Variants in FLI1 observed in about 807,000 individuals in gnomAD.
FLI1 encodes Friend leukemia integration 1 transcription factor.
A neutral mutation model predicts 53.1 loss-of-function variants in FLI1; 13 were observed. The ratio of observed to expected loss-of-function variants is 0.24; its 90% CI spans 0.16 to 0.39. The LOEUF is 0.39. FLI1 is among the 10% of genes least tolerant of loss of function. The probability of loss-of-function intolerance (pLI) is 1.00; values close to 1 mark genes in which losing one functional copy is unlikely to be tolerated. For missense variants in FLI1, 424 were observed against 600.5 expected, an observed-to-expected ratio of 0.71 and a Z score of 3.07; for synonymous variants, 244 against 236.7, an observed-to-expected ratio of 1.03 and a Z score of -0.28.
At chr11:128,721,604 C>T (rs1939255662) in intron 1 of FLI1, among the ~76,000 whole-genome samples, 1 of 152,186 alleles carries the variant, frequency 6.6e-6, no homozygotes, top group African/African-American at 2.4e-5. Context: ...GGTGCAAGAG[C>T]ATGCCTGGCT....
In FLI1 at chr11:128,810,686, G is replaced by A. The variant is rs1475468866; in HGVS notation, c.1057G>A (p.Gly353Ser). 1.2e-6 allele frequency: 2 copies of A among 1,614,004 alleles called. No individual in the cohort carries two copies. Among genetic ancestry groups the A allele is most frequent in the Non-Finnish European group, 1.7e-6 (2 of 1,179,896 alleles). ...YDKNIMTKVHGKRYAYKFDFH... is the reference protein window; with the variant it reads ...YDKNIMTKVHSKRYAYKFDFH... The stretch of plus-strand genomic sequence containing the variant: ...TAAAAACATTATGACCAAAGTGCAC[G>A]GCAAAAGATATGCTTACAAATTTGA... The change falls in exon 9 of 9, where the codon GGC becomes AGC. Residue 353 changes from glycine to serine, a missense_variant. Gly to Ser is a moderately conservative substitution (Grantham distance 56). Transcript: ENST00000527786. The surrounding 1 kb of genome is among the most constrained non-coding windows in gnomAD (Gnocchi z 6.6).
intron 2 of FLI1, 64 bp downstream of exon 2, chr11:128,758,390 G>A: frequency 1.4e-6 from 2 of 1,400,018 alleles, no homozygotes; most frequent in Non-Finnish European, 1.0e-6. Context: ...TGCAGCAAGT[G>A]GCTTCTGGCA....
intron 4 of FLI1, among the ~76,000 whole-genome samples, chr11:128,779,323 C>T (rs373522588): frequency 6.6e-5 from 10 of 152,342 alleles, no homozygotes; most frequent in Admixed American, 2.0e-4. Flanking sequence ...ACGTCAGGGA[C>T]GGAGAGGCAA....
chr11:128,740,039 G>A (rs1052804371), intron 1 of FLI1, among the ~76,000 whole-genome samples: 1 of 152,282 alleles, frequency 6.6e-6, no homozygotes, highest in East Asian at 1.9e-4. Context: ...CCTAATATTG[G>A]TAGGGAATAG....
At chr11:128,755,508 A>T (rs563323084) in intron 1 of FLI1, among the ~76,000 whole-genome samples, 19 of 152,332 alleles carry the variant, frequency 1.2e-4, no homozygotes, top group Non-Finnish European at 2.2e-4. Context: ...AATTTCATGG[A>T]GTCAGGGACA....
intron 2 of FLI1, among the ~76,000 whole-genome samples, chr11:128,765,828 ATG>A (rs1565489019): frequency 6.6e-6 from 1 of 151,910 alleles, no homozygotes; most frequent in African/African-American, 2.4e-5. Context: ...CTGTGTTTGC[ATG>A]TGTGTGCATG....
At chr11:128,760,720 G>T (rs953864820) in intron 2 of FLI1, among the ~76,000 whole-genome samples, 5 of 151,966 alleles carry the variant, frequency 3.3e-5, no homozygotes, top group Admixed American at 6.6e-5. Flanking sequence ...TAGAGACGGG[G>T]TTTTACTATG....
intron 1 of FLI1, among the ~76,000 whole-genome samples, chr11:128,735,606 A>T (rs955663926): frequency 2.0e-5 from 3 of 152,242 alleles, no homozygotes; most frequent in African/African-American, 7.2e-5. Context: ...TCCTCACATT[A>T]TCCACATTAT....
In FLI1 at chr11:128,811,145, T is replaced by C. The variant is rs1052947429; in HGVS notation, c.*157T>C. 5 of 706,222 alleles carry C rather than the reference T, an allele frequency of 7.1e-6. No homozygotes were observed. Among genetic ancestry groups the C allele is most frequent in the African/African-American group, 5.4e-5 (3 of 55,746 alleles). The allele number at this position is 706,222 out of a possible 1,614,324, so 43.7% of individuals were successfully genotyped here. A position where few individuals can be genotyped will look rare whatever the true frequency, so the allele number is the denominator to read the frequency against. ...TTGTATTTGTTCTTTAAAAACATTT[T>C]TTTTAATGTTGGTAACTTTTGCTTC... is the stretch of plus-strand genomic sequence containing the variant. On this transcript the variant is annotated 3_prime_UTR_variant, in exon 9 of 9. Coordinates refer to ENST00000527786, the MANE Select transcript of FLI1 (RefSeq NM_002017.5).
upstream of FLI1, among the ~76,000 whole-genome samples, chr11:128,688,953 G>A (rs988826577): frequency 6.6e-6 from 1 of 152,184 alleles, no homozygotes; most frequent in Non-Finnish European, 1.5e-5. Context: ...GGCATTGTGA[G>A]GTTAATGTGA....
chr11:128,753,647 GT>G (rs1940740528), intron 1 of FLI1, among the ~76,000 whole-genome samples: 1 of 152,358 alleles, frequency 6.6e-6, no homozygotes, highest in South Asian at 2.1e-4. Context: ...AAGAGTTTAA[GT>G]AAAGAGCTTT....
At chr11:128,727,260 G>A (rs900906138) in intron 1 of FLI1, among the ~76,000 whole-genome samples, 6 of 152,216 alleles carry the variant, frequency 3.9e-5, no homozygotes, top group African/African-American at 1.2e-4. Context: ...TAAGGCTATG[G>A]TGAGAATGAA....
upstream of FLI1, among the ~76,000 whole-genome samples, chr11:128,689,265 C>A (rs996484564): frequency 1.3e-5 from 2 of 152,120 alleles, no homozygotes; most frequent in East Asian, 1.9e-4. Context: ...AGTGGAGTAA[C>A]CCTGACCCGC....
intron 2 of FLI1, among the ~76,000 whole-genome samples, chr11:128,766,699 C>T (rs1941352880): frequency 6.6e-6 from 1 of 151,808 alleles, no homozygotes. Context: ...ATGGGTGGGT[C>T]CCTATCTGGT....
intron 5 of FLI1, among the ~76,000 whole-genome samples, chr11:128,790,358 GA>G (rs1488310738): frequency 6.6e-6 from 1 of 151,724 alleles, no homozygotes; most frequent in African/African-American, 2.4e-5. Flanking sequence ...GGAGGAGGGA[GA>G]GCGAGAGAAC....
chr11:128,686,421 C>A (rs1266250731), upstream of FLI1: 1 of 456,158 alleles, frequency 2.2e-6, no homozygotes, highest in African/African-American at 2.0e-5. Context: ...CAGTTCTCAC[C>A]GTCCCCTGGC....
Position 128,807,247 on chromosome 11 carries a change from C to T in FLI1, c.781+8C>T. ...AGCAACGGCCCCAGCCAGGTACCTGCCCAGGATATGTAATCTCTCCTTTGC... is the reference window on the plus strand; with the variant it reads ...AGCAACGGCCCCAGCCAGGTACCTGTCCAGGATATGTAATCTCTCCTTTGC... On this transcript the variant is annotated splice_region_variant and intron_variant, in intron 7 of 8. Transcript: ENST00000527786. The T allele has an allele frequency of 6.3e-7, 1 of 1,594,020 alleles. No individual in the cohort carries two copies. Among genetic ancestry groups the T allele is most frequent in the Non-Finnish European group, 8.6e-7 (1 of 1,168,972 alleles).
At chr11:128,754,061 A>C (rs1940760313) in intron 1 of FLI1, among the ~76,000 whole-genome samples, 1 of 146,488 alleles carries the variant, frequency 6.8e-6, no homozygotes, top group African/African-American at 2.5e-5. Context: ...AGGGGCCCTC[A>C]CCTCCCTTCC....
intron 4 of FLI1, among the ~76,000 whole-genome samples, chr11:128,777,299 TACAA>T (rs1382263480): frequency 6.6e-6 from 1 of 151,226 alleles, no homozygotes; most frequent in Non-Finnish European, 1.5e-5. Flanking sequence ...TTTTAAGTTT[TACAA>T]ACAAGTTCGT....
Sources: gnomAD v4.1 joint callset for allele counts (sites outside exome capture counted in the v4.1 genomes callset) on GRCh38, gnomAD v4.1.1 for gene constraint, Gnocchi (gnomAD v3.1) non-coding constraint, MANE v1.5 for transcripts, NCBI Gene and HGNC (gene_info 2026-07-23, HGNC 2026-07-21) for gene names.